WSCD1: variants seen among roughly 807,000 people sequenced by gnomAD.
The protein encoded by WSCD1 is WSC domain sialate O sulfotransferase 1, also known as sialate:O-sulfotransferase 1.
WSCD1 carries 41 observed loss-of-function variants against 60.4 expected under a neutral mutation model. That is an observed-to-expected ratio of 0.68 (90% CI 0.53 to 0.88). The LOEUF (loss-of-function observed/expected upper bound fraction) is 0.88, where lower values mean the gene tolerates loss of function less well. WSCD1 is among the 40% of genes least tolerant of loss of function. WSCD1 has a pLI of 0.00. For synonymous variants in WSCD1, 361 were observed against 332.5 expected (o/e 1.09, Z -0.93); for missense variants, 784 against 796.2 (o/e 0.98, Z 0.18).
At chr17:6,112,483 G>A (rs1911463246) in intron 7 of WSCD1, among the ~76,000 whole-genome samples, 1 of 152,112 alleles carries the variant, frequency 6.6e-6, no homozygotes, top group African/African-American at 2.4e-5. Flanking sequence ...GAAACAAAGG[G>A]CATCCAAATT....
intron 2 of WSCD1, among the ~76,000 whole-genome samples, chr17:6,082,551 C>G (rs2150533564): frequency 6.6e-6 from 1 of 151,908 alleles, no homozygotes; most frequent in Middle Eastern, 3.5e-3. Context: ...TGCAGACTCT[C>G]TCTGCAGGGT....
chr17:6,071,900 C>T (rs770105734), intron 1 of WSCD1, among the ~76,000 whole-genome samples: 1 of 152,220 alleles, frequency 6.6e-6, no homozygotes, highest in Non-Finnish European at 1.5e-5. Flanking sequence ...GGGAAGGGGC[C>T]TCAACCGGCT....
intron 8 of WSCD1, among the ~76,000 whole-genome samples, chr17:6,119,201 G>A (rs1287498969): frequency 3.3e-5 from 5 of 152,180 alleles, no homozygotes; most frequent in Non-Finnish European, 7.3e-5. Context: ...GGGCATACAA[G>A]CATCTGGGCC....
chr17:6,119,461 G>T (rs1481382803), intron 8 of WSCD1, among the ~76,000 whole-genome samples: 1 of 152,236 alleles, frequency 6.6e-6, no homozygotes, highest in Non-Finnish European at 1.5e-5. Context: ...CAGAAACAAA[G>T]CAGTGTCCAG....
At chr17:6,102,771 G>A (rs916715063) in intron 5 of WSCD1, among the ~76,000 whole-genome samples, 3 of 151,732 alleles carry the variant, frequency 2.0e-5, no homozygotes, top group Non-Finnish European at 2.9e-5. Context: ...ATGCCTTATC[G>A]CTTATTGGCA....
At chr17:6,100,779 C>G (rs963638689) in intron 5 of WSCD1, among the ~76,000 whole-genome samples, 16 of 152,200 alleles carry the variant, frequency 1.1e-4, no homozygotes, top group African/African-American at 3.9e-4. Flanking sequence ...GCCGTATGTC[C>G]TCTGGAGGGT....
intron 3 of WSCD1, 93 bp downstream of exon 3, chr17:6,088,197 G>A: frequency 9.2e-7 from 1 of 1,087,992 alleles, no homozygotes; most frequent in South Asian, 1.4e-5. Flanking sequence ...CCAGTTGGCT[G>A]TCATAGCATA....
At chr17:6,102,029 A>G (rs1473818934) in intron 5 of WSCD1, among the ~76,000 whole-genome samples, 3 of 152,238 alleles carry the variant, frequency 2.0e-5, no homozygotes, top group African/African-American at 7.2e-5. Flanking sequence ...CTACTGATAA[A>G]GGAATCGCAG....
At chr17:6,106,901 T>C (rs1052028276) in intron 5 of WSCD1, among the ~76,000 whole-genome samples, 7 of 152,114 alleles carry the variant, frequency 4.6e-5, no homozygotes, top group Non-Finnish European at 7.4e-5. Flanking sequence ...GCAAAGGCCC[T>C]GAGGTGGGAT....
rs542782974 is a variant in WSCD1, at chr17:6,118,024, G to A, written c.1211G>A (p.Arg404His). Residue 404 changes from arginine to histidine, a missense_variant, in exon 8 of 9, where the codon CGC becomes CAC. Coordinates refer to ENST00000317744, the MANE Select transcript of WSCD1 (RefSeq NM_015253.2). This position sits in a 1 kb window ranked among gnomAD's most constrained non-coding sequence, Gnocchi z 5.8. ...GAAAAGGACCACTGGCGGAGCCGAC[G>A]CACCATCTGTGTCAAAACCCACGAG... is the stretch of plus-strand genomic sequence containing the variant. ...KGEKDHWRSR[R>H]TICVKTHESG... 128 of 1,614,098 alleles carry A rather than the reference G, an allele frequency of 7.9e-5. No individual in the cohort carries two copies. In the South Asian group the frequency reaches 9.6e-4, roughly 12 times the overall value.
intron 1 of WSCD1, among the ~76,000 whole-genome samples, chr17:6,079,418 C>T (rs1053547645): frequency 1.1e-4 from 17 of 152,234 alleles, no homozygotes; most frequent in Admixed American, 2.0e-4. Flanking sequence ...CCCAACAGCA[C>T]ACTTCAGAGG....
chr17:6,070,934 C>G (rs1409819661), intron 1 of WSCD1, among the ~76,000 whole-genome samples: 1 of 151,648 alleles, frequency 6.6e-6, no homozygotes, highest in Non-Finnish European at 1.5e-5. Flanking sequence ...AGGCGCCGCA[C>G]GAGCCGCGTC....
At chr17:6,087,725 G>C (rs921280519) in intron 2 of WSCD1, among the ~76,000 whole-genome samples, 1 of 152,238 alleles carries the variant, frequency 6.6e-6, no homozygotes, top group Non-Finnish European at 1.5e-5. Context: ...GCAGTGGTCA[G>C]GCCGACGCCT....
At chr17:6,079,295 T>C (rs532429110) in intron 1 of WSCD1, among the ~76,000 whole-genome samples, 1 of 152,358 alleles carries the variant, frequency 6.6e-6, no homozygotes, top group South Asian at 2.1e-4. Context: ...TTACGGGCAG[T>C]GGCTTAGTCA....
chr17:6,095,595 G>A (rs8069520), intron 5 of WSCD1, among the ~76,000 whole-genome samples: 52,244 of 152,168 alleles, frequency 0.34, 10,941 homozygotes, highest in African/African-American at 0.59. Flanking sequence ...TGGTGCTGAC[G>A]GTGTTGGGCC....
rs1555528091 is a variant in WSCD1 at position 6,098,163 on chromosome 17, G to GGC, written c.849+2941_849+2942insCG. 2.7e-4 allele frequency among the ~76,000 whole-genome samples: 39 copies of GGC among 146,954 alleles called. No homozygotes were observed. In the East Asian group the frequency reaches 2.8e-3, roughly 10 times the overall value. ...AGAGACAGGGGGGCGGGGTGGGGGG[G>GGC]GTCTCACCAAGTTGCCCAGACTGGT... On this transcript the variant is annotated intron_variant, in intron 5 of 8. Transcript: ENST00000317744.
At chr17:6,117,058 A>G (rs1044197967) in intron 7 of WSCD1, among the ~76,000 whole-genome samples, 2 of 152,204 alleles carry the variant, frequency 1.3e-5, no homozygotes, top group African/African-American at 4.8e-5. Flanking sequence ...AAGCTTAAAG[A>G]CAAGGTCTGA....
Position 6,123,893 on chromosome 17 carries a change from C to T in WSCD1, c.*3232C>T, listed in dbSNP as rs192621561. On this transcript the variant is annotated 3_prime_UTR_variant, in exon 9 of 9. Coordinates refer to ENST00000317744, the MANE Select transcript of WSCD1 (RefSeq NM_015253.2). ...TCTGCCATCTTGGACAAAGCTTTTC[C>T]CATCTCCAGTCTCAGTTTCCCATCC... 499 of 152,304 alleles carry T rather than the reference C, an allele frequency of 3.3e-3. 3 individuals carry two copies. Among genetic ancestry groups the T allele is most frequent in the African/African-American group, 0.011 (459 of 41,558 alleles). 9.4% of individuals were successfully genotyped at this position (152,304 alleles called of 1,614,324 possible).
intron 2 of WSCD1, 109 bp downstream of exon 2, chr17:6,081,194 G>C: frequency 1.5e-6 from 2 of 1,294,578 alleles, no homozygotes; most frequent in Non-Finnish European, 2.1e-6. Flanking sequence ...ACCGCTAGAT[G>C]GTTCTTTCCT....
Sources: allele counts gnomAD v4.1 joint callset (sites outside exome capture counted in the v4.1 genomes callset), GRCh38; gene constraint gnomAD v4.1.1; non-coding constraint Gnocchi (gnomAD v3.1); transcripts MANE v1.5; gene names NCBI Gene and HGNC (gene_info 2026-07-23, HGNC 2026-07-21).